LOXL2: variants seen among roughly 807,000 people sequenced by gnomAD.
The protein encoded by LOXL2 is lysyl oxidase like 2.
In LOXL2, 70 loss-of-function variants were observed where a neutral mutation model predicts 93.0. That is an observed-to-expected ratio of 0.75 (90% CI 0.62 to 0.92). LOXL2 has a LOEUF of 0.92. Among genes scored for constraint, LOXL2 ranks in the 40% least tolerant of loss-of-function variants. The probability of loss-of-function intolerance (pLI) is 0.00; values close to 1 mark genes in which losing one functional copy is unlikely to be tolerated. For synonymous variants in LOXL2, 438 were observed against 413.2 expected, an observed-to-expected ratio of 1.06 and a Z score of -0.73; for missense variants, 973 against 1,054.9, an observed-to-expected ratio of 0.92 and a Z score of 1.08.
At chr8:23,341,328 G>A (rs1803880324) in intron 3 of LOXL2, 125 bp from the exon 4 acceptor site, 4 of 767,998 alleles carry the variant, frequency 5.2e-6, no homozygotes, top group Admixed American at 4.1e-5. Context: ...GTGCCCTCAG[G>A]CCCTGCAGTG....
At chr8:23,333,645 A>C in intron 4 of LOXL2, 22 bp from the exon 5 acceptor site, 1 of 1,590,308 alleles carries the variant, frequency 6.3e-7, no homozygotes, top group African/African-American at 1.3e-5. Context: ...GGGAGGGGAC[A>C]GGGGACCAGG....
At chr8:23,354,265 T>C (rs1350867213) in intron 3 of LOXL2, among the ~76,000 whole-genome samples, 1 of 152,096 alleles carries the variant, frequency 6.6e-6, no homozygotes, top group African/African-American at 2.4e-5. Flanking sequence ...TGAGGGTGAA[T>C]GTTACAGAAC....
intron 10 of LOXL2, 65 bp from the exon 11 acceptor site, chr8:23,303,462 C>T (rs1585340943): frequency 2.1e-6 from 2 of 953,776 alleles, no homozygotes; most frequent in East Asian, 2.4e-5. Flanking sequence ...CAAGCAGAGG[C>T]CTGGCTGGCG....
intron 1 of LOXL2, among the ~76,000 whole-genome samples, chr8:23,393,010 T>C (rs962560774): frequency 6.6e-6 from 1 of 152,066 alleles, no homozygotes; most frequent in Non-Finnish European, 1.5e-5. Context: ...AAAAGAAATA[T>C]AAACTTTATA....
At chr8:23,336,237 A>C (rs1428602715) in intron 4 of LOXL2, 6 of 152,328 alleles carry the variant, frequency 3.9e-5, no homozygotes, top group Non-Finnish European at 8.8e-5. Flanking sequence ...CTGCGTTCTA[A>C]ATGAAGAGTG....
Position 23,308,221 on chromosome 8 carries a change from G to A in LOXL2, c.1880+1447C>T, listed in dbSNP as rs150100210. 4.0e-3 allele frequency among the ~76,000 whole-genome samples: 603 copies of A among 152,268 alleles called. 4 individuals are homozygous for A. The highest frequency in any genetic ancestry group is 0.014 in the African/African-American group (579 of 41,544). On this transcript the variant is annotated intron_variant, in intron 10 of 13. Coordinates refer to ENST00000389131, the MANE Select transcript of LOXL2 (RefSeq NM_002318.3). ...GATGACCACATTCCGGAGCTGCAGCGGAGCCTCAACATCATCTAGACAACG... is the reference window on the plus strand; with the variant it reads ...GATGACCACATTCCGGAGCTGCAGCAGAGCCTCAACATCATCTAGACAACG...
chr8:23,388,404 C>T lies in LOXL2; in HGVS notation c.-84+15550G>A, dbSNP rs182858560. ...ACCAGCTTGAGCAACATAGGGAGAT[C>T]CTGTCTCTACAAAAAAATTTTTTTT... On this transcript the variant is annotated intron_variant, in intron 1 of 13. Coordinates refer to ENST00000389131, the MANE Select transcript of LOXL2 (RefSeq NM_002318.3). Among the ~76,000 whole-genome samples, 167 of 152,094 alleles carry T rather than the reference C, an allele frequency of 1.1e-3. 2 individuals carry two copies. In the East Asian group the frequency reaches 0.017, roughly 15 times the overall value.
At chr8:23,386,169 A>G (rs562595590) in intron 1 of LOXL2, 5 of 644,622 alleles carry the variant, frequency 7.8e-6, no homozygotes, top group Non-Finnish European at 1.1e-5. Context: ...CTTATTCACT[A>G]ATTGTTGAGG....
intron 5 of LOXL2, among the ~76,000 whole-genome samples, chr8:23,331,253 T>G (rs1803671272): frequency 6.6e-6 from 1 of 152,062 alleles, no homozygotes. Context: ...GGGGGAAAGC[T>G]GGTTGGCTCA....
rs368656270 is a variant in LOXL2 at position 23,328,364 on chromosome 8, A to T, written c.1150+18T>A. ...GCTCCCAGGAAGAGAGGCCCCCTCT[A>T]GCCTCCCCATTCCTTACCTTGCCCC... On this transcript the variant is annotated intron_variant, in intron 6 of 13. Transcript: ENST00000389131. 52 of 1,612,496 alleles carry T rather than the reference A, an allele frequency of 3.2e-5. No homozygotes were observed. The African/African-American group carries it at 5.2e-4, about 16-fold the overall frequency.
chr8:23,303,250 A>T, intron 11 of LOXL2, 32 bp downstream of exon 11: 1 of 1,363,220 alleles, frequency 7.3e-7, no homozygotes, highest in Non-Finnish European at 1.0e-6. Flanking sequence ...AGTCCCTCTG[A>T]GGCCTCCCAT....
intron 1 of LOXL2, among the ~76,000 whole-genome samples, chr8:23,378,912 G>A (rs968133866): frequency 3.9e-5 from 6 of 152,066 alleles, no homozygotes; most frequent in African/African-American, 1.4e-4. Context: ...TAGTTTGATC[G>A]TCTGAAGCCT....
intron 7 of LOXL2, among the ~76,000 whole-genome samples, chr8:23,320,707 A>C (rs1803480796): frequency 1.3e-5 from 2 of 152,176 alleles, no homozygotes; most frequent in African/African-American, 4.8e-5. Context: ...CAGGGTTTTG[A>C]GACCAGCCTG....
intron 1 of LOXL2, chr8:23,370,955 G>T (rs1369631380): frequency 6.6e-6 from 1 of 152,196 alleles, no homozygotes; most frequent in Non-Finnish European, 1.5e-5. Flanking sequence ...AATGACAAAA[G>T]ACATCAAGCC....
intron 1 of LOXL2, among the ~76,000 whole-genome samples, chr8:23,378,499 TG>T (rs1387278053): frequency 7.9e-5 from 12 of 152,336 alleles, no homozygotes; most frequent in African/African-American, 2.4e-4. Flanking sequence ...CCTGCTAGGT[TG>T]GGGAAGTTCT....
At chr8:23,302,806 G>C (rs1215828559) in intron 11 of LOXL2, among the ~76,000 whole-genome samples, 1 of 152,172 alleles carries the variant, frequency 6.6e-6, no homozygotes, top group Non-Finnish European at 1.5e-5. Flanking sequence ...GGCAGGTGTG[G>C]TGACCTACCA....
chr8:23,358,996 A>G lies in LOXL2; in HGVS notation c.531+1094T>C, dbSNP rs111376792. ...AGCTGGGACTACAGGCACCCACAAC[A>G]ACGTCTGGCTATTTTTTTTTCTTTT... On this transcript the variant is annotated intron_variant, in intron 3 of 13. Coordinates refer to ENST00000389131, the MANE Select transcript of LOXL2 (RefSeq NM_002318.3). Among the ~76,000 whole-genome samples the G allele has an allele frequency of 1.3e-3, 198 of 151,818 alleles. 2 individuals carry two copies. In the East Asian group the frequency reaches 0.02, roughly 16 times the overall value.
intron 2 of LOXL2, among the ~76,000 whole-genome samples, chr8:23,362,083 G>A (rs1007665788): frequency 3.9e-5 from 6 of 152,140 alleles, no homozygotes; most frequent in African/African-American, 1.4e-4. Flanking sequence ...AGTATTATTC[G>A]CAATAGCCAA....
intron 3 of LOXL2, among the ~76,000 whole-genome samples, chr8:23,347,363 A>C (rs1334869123): frequency 1.3e-5 from 2 of 151,664 alleles, no homozygotes; most frequent in African/African-American, 4.8e-5. Flanking sequence ...TCTCAAAAAT[A>C]AATAAATAAA....
Sources: gnomAD v4.1 joint callset for allele counts (sites outside exome capture counted in the v4.1 genomes callset) on GRCh38, gnomAD v4.1.1 for gene constraint, MANE v1.5 for transcripts, NCBI Gene and HGNC (gene_info 2026-07-23, HGNC 2026-07-21) for gene names.